The following FBXO28 variants were observed in gnomAD, a reference collection of about 807,000 sequenced individuals.
The protein encoded by FBXO28 is F-box only protein 28.
FBXO28 carries 8 observed loss-of-function variants against 38.1 expected under a neutral mutation model. The observed-to-expected ratio is 0.21, with a 90% CI of 0.12 to 0.38. The LOEUF (loss-of-function observed/expected upper bound fraction) is 0.38, where lower values mean the gene tolerates loss of function less well. FBXO28 is among the 10% of genes least tolerant of loss of function. The pLI, the probability that FBXO28 is intolerant of heterozygous loss-of-function variation, is 1.00. For missense variants in FBXO28, 345 were observed against 460.6 expected (o/e 0.75, Z 2.30); for synonymous variants, 168 against 173.8 (o/e 0.97, Z 0.26).
chr1:224,153,031 T>A, intron 3 of FBXO28, 111 bp from the exon 4 acceptor site: 1 of 700,382 alleles, frequency 1.4e-6, no homozygotes, highest in Non-Finnish European at 2.3e-6. Flanking sequence ...TAAATCACCC[T>A]ACAGGTCTTT....
chr1:224,160,232 CAT>C lies in FBXO28; in HGVS notation c.*2489_*2490del, dbSNP rs1370020029. ...GATTATTATGATCAGCTAGAACTGA[CAT>C]ATGTTACAAGAAAACTGTAAATTAA... On this transcript the variant is annotated 3_prime_UTR_variant, in exon 5 of 5. Coordinates refer to ENST00000366862, the MANE Select transcript of FBXO28 (RefSeq NM_015176.4). 6.6e-6 allele frequency: 1 copy of C among 152,212 alleles called. No individual in the cohort carries two copies. The highest frequency in any genetic ancestry group is 1.5e-5 in the Non-Finnish European group (1 of 68,048). 9.4% of individuals were successfully genotyped at this position (152,212 alleles called of 1,614,324 possible). A position where few individuals can be genotyped will look rare whatever the true frequency, so the allele number is the denominator to read the frequency against.
intron 1 of FBXO28, among the ~76,000 whole-genome samples, chr1:224,117,165 A>ATTTTTTTT (rs71168310): frequency 8.2e-5 from 10 of 122,192 alleles, no homozygotes; most frequent in African/African-American, 2.6e-4. Flanking sequence ...AATAAATTGG[A>ATTTTTTTT]TTTTTTTTTT....
At position 224,159,000 on chromosome 1, in the gene FBXO28, A is replaced by T. The variant is rs751581444; in HGVS notation, c.*1254A>T. On this transcript the variant is annotated 3_prime_UTR_variant, in exon 5 of 5. Coordinates refer to ENST00000366862, the MANE Select transcript of FBXO28 (RefSeq NM_015176.4). ...GGAAAAGCATGTCTTGCACTGTTCA[A>T]CCTCCTGAGTGGTCGCTTTAACAAC... is the stretch of plus-strand genomic sequence containing the variant. 6.6e-6 allele frequency: 1 copy of T among 152,274 alleles called. No homozygotes were observed. The highest frequency in any genetic ancestry group is 1.9e-4 in the East Asian group (1 of 5,190). 9.4% of individuals were successfully genotyped at this position (152,274 alleles called of 1,614,324 possible).
At chr1:224,137,568 A>G (rs1466885599) in intron 3 of FBXO28, among the ~76,000 whole-genome samples, 1 of 151,852 alleles carries the variant, frequency 6.6e-6, no homozygotes, top group African/African-American at 2.4e-5. Flanking sequence ...ATCCACAAGA[A>G]TGGTGAGATT....
intron 4 of FBXO28, among the ~76,000 whole-genome samples, chr1:224,153,984 G>C (rs1455566577): frequency 6.6e-6 from 1 of 151,952 alleles, no homozygotes; most frequent in African/African-American, 2.4e-5. Flanking sequence ...TGTGGTCCCA[G>C]CACTTTGGGA....
Position 224,139,980 on chromosome 1 carries a change from C to G in FBXO28, c.516+5768C>G, listed in dbSNP as rs2131305. Among the ~76,000 whole-genome samples, 2 of 152,134 alleles carry G rather than the reference C, an allele frequency of 1.3e-5. 1 individual carries two copies. Among genetic ancestry groups the G allele is most frequent in the South Asian group, 4.1e-4 (2 of 4,822 alleles). The stretch of plus-strand genomic sequence containing the variant: ...GTGGCATGCACCTGTAGCCCCAGCT[C>G]CTTGGGCGGCTGAGGTGGGACGATT... On this transcript the variant is annotated intron_variant, in intron 3 of 4. Coordinates refer to ENST00000366862, the MANE Select transcript of FBXO28 (RefSeq NM_015176.4).
At chr1:224,134,896 G>C (rs1359927809) in intron 3 of FBXO28, among the ~76,000 whole-genome samples, 1 of 152,126 alleles carries the variant, frequency 6.6e-6, no homozygotes, top group Admixed American at 6.6e-5. Context: ...GTTGATGCTG[G>C]CAAAAGTTTC....
At chr1:224,141,152 A>G (rs1242351483) in intron 3 of FBXO28, among the ~76,000 whole-genome samples, 2 of 151,972 alleles carry the variant, frequency 1.3e-5, no homozygotes, top group Non-Finnish European at 1.5e-5. Context: ...ACTGCACTCC[A>G]GCCTGGGCAA....
In FBXO28 at chr1:224,161,416, G is replaced by C. The variant is rs1203291266; in HGVS notation, c.*3670G>C. ...GAAAGAAAACGTCCTATACGATGCA[G>C]TTGTTTGGAAATGGCTGATTTCTGA... On this transcript the variant is annotated 3_prime_UTR_variant, in exon 5 of 5. Coordinates refer to ENST00000366862, the MANE Select transcript of FBXO28 (RefSeq NM_015176.4). The C allele has an allele frequency of 6.6e-6, 1 of 152,184 alleles. No individual in the cohort carries two copies. Among genetic ancestry groups the C allele is most frequent in the African/African-American group, 2.4e-5 (1 of 41,448 alleles). The allele number at this position is 152,184 out of a possible 1,614,324, so 9.4% of individuals were successfully genotyped here. A position where few individuals can be genotyped will look rare whatever the true frequency, so the allele number is the denominator to read the frequency against.
chr1:224,157,224 A>G (rs1657793740), intron 4 of FBXO28, 128 bp from the exon 5 acceptor site: 4 of 1,170,788 alleles, frequency 3.4e-6, no homozygotes, highest in Admixed American at 5.3e-5. Context: ...AACTGACCAA[A>G]TGGATTGCAA....
At chr1:224,150,658 G>A (rs1200498724) in intron 3 of FBXO28, among the ~76,000 whole-genome samples, 1 of 152,082 alleles carries the variant, frequency 6.6e-6, no homozygotes, top group Non-Finnish European at 1.5e-5. Context: ...TGACCTTGGG[G>A]CCACTATCAT....
At chr1:224,139,894 C>A (rs143195541) in intron 3 of FBXO28, among the ~76,000 whole-genome samples, 2 of 152,042 alleles carry the variant, frequency 1.3e-5, no homozygotes, top group African/African-American at 2.4e-5. Context: ...GAGTTCGAGA[C>A]CAACCTGGGC....
At chr1:224,120,218 A>G (rs528589770) in intron 1 of FBXO28, among the ~76,000 whole-genome samples, 106 of 152,306 alleles carry the variant, frequency 7.0e-4, no homozygotes, top group African/African-American at 2.5e-3. Flanking sequence ...TTAAACACCT[A>G]CTTCTAGCAT....
At chr1:224,116,931 T>C (rs1297036655) in intron 1 of FBXO28, among the ~76,000 whole-genome samples, 1 of 152,070 alleles carries the variant, frequency 6.6e-6, no homozygotes, top group Non-Finnish European at 1.5e-5. Flanking sequence ...TGCCACCACT[T>C]TGGGACGCCG....
intron 4 of FBXO28, among the ~76,000 whole-genome samples, chr1:224,153,866 A>C (rs554506224): frequency 2.0e-5 from 3 of 151,894 alleles, no homozygotes; most frequent in Admixed American, 1.3e-4. Context: ...GGTTGCAGTG[A>C]GCCAGATTCG....
intron 3 of FBXO28, among the ~76,000 whole-genome samples, chr1:224,147,562 A>C (rs1487659490): frequency 1.3e-5 from 2 of 152,292 alleles, no homozygotes; most frequent in African/African-American, 4.8e-5. Context: ...GAGGTGATCT[A>C]GGTTATATGC....
At chr1:224,122,994 G>A (rs1656812751) in intron 1 of FBXO28, among the ~76,000 whole-genome samples, 1 of 151,938 alleles carries the variant, frequency 6.6e-6, no homozygotes, top group Non-Finnish European at 1.5e-5. Flanking sequence ...TAGAAGACCT[G>A]GATTCTTAGT....
intron 2 of FBXO28, chr1:224,130,813 A>G: frequency 2.4e-6 from 1 of 408,434 alleles, no homozygotes; most frequent in Non-Finnish European, 4.5e-6. Context: ...CAAGGCATCC[A>G]AATGGGAAAA....
At chr1:224,156,268 A>G (rs1657770301) in intron 4 of FBXO28, among the ~76,000 whole-genome samples, 1 of 152,184 alleles carries the variant, frequency 6.6e-6, no homozygotes, top group Admixed American at 6.5e-5. Context: ...ATTATTCCTA[A>G]AAGAATAGGT....
Sources: allele counts gnomAD v4.1 joint callset (sites outside exome capture counted in the v4.1 genomes callset), GRCh38; gene constraint gnomAD v4.1.1; transcripts MANE v1.5; gene names NCBI Gene and HGNC (gene_info 2026-07-23, HGNC 2026-07-21).